The following ZHX3 variants were observed in gnomAD, a reference collection of about 807,000 sequenced individuals.
ZHX3 encodes zinc fingers and homeoboxes protein 3.
ZHX3 carries 20 observed loss-of-function variants against 64.5 expected under a neutral mutation model. The ratio of observed to expected loss-of-function variants is 0.31; its 90% CI spans 0.22 to 0.45. The LOEUF (loss-of-function observed/expected upper bound fraction) is 0.45. ZHX3 is among the 20% of genes least tolerant of loss of function. The pLI, the probability that ZHX3 is intolerant of heterozygous loss-of-function variation, is 1.00. For missense variants in ZHX3, 1,041 were observed against 1,195.8 expected (o/e 0.87, Z 1.91); for synonymous variants, 423 against 461.6 (o/e 0.92, Z 1.07).
intron 1 of ZHX3, among the ~76,000 whole-genome samples, chr20:41,278,317 C>G (rs2043493852): frequency 7.3e-6 from 1 of 137,534 alleles, no homozygotes; most frequent in Admixed American, 7.3e-5. Context: ...TAACTCCAGC[C>G]TGGGTGACAG....
chr20:41,313,364 C>T (rs968427055), intron 1 of ZHX3, among the ~76,000 whole-genome samples: 1 of 151,964 alleles, frequency 6.6e-6, no homozygotes, highest in Non-Finnish European at 1.5e-5. Flanking sequence ...CATCTGCATC[C>T]AGGGGGTTCT....
chr20:41,215,586 G>A (rs1051587409), intron 2 of ZHX3, among the ~76,000 whole-genome samples: 2 of 151,936 alleles, frequency 1.3e-5, no homozygotes, highest in African/African-American at 2.4e-5. Context: ...TCTTCCAAGC[G>A]TTATGATAGT....
intron 2 of ZHX3, among the ~76,000 whole-genome samples, chr20:41,225,768 G>A (rs1310772748): frequency 2.0e-5 from 3 of 152,296 alleles, no homozygotes; most frequent in Middle Eastern, 3.4e-3. Context: ...GATTACAGGC[G>A]TGAACCACCG....
chr20:41,235,965 G>T (rs149783673), intron 2 of ZHX3, among the ~76,000 whole-genome samples: 1,538 of 151,992 alleles, frequency 0.01, 22 homozygotes, highest in African/African-American at 0.035. Flanking sequence ...CAAGCATTCC[G>T]ATACACCAAT....
intron 2 of ZHX3, among the ~76,000 whole-genome samples, chr20:41,264,035 T>C (rs1305422259): frequency 6.6e-6 from 1 of 152,122 alleles, no homozygotes; most frequent in African/African-American, 2.4e-5. Context: ...TAAAACTAAA[T>C]AGATGAGTTT....
At chr20:41,221,015 A>AT (rs1416524378) in intron 2 of ZHX3, among the ~76,000 whole-genome samples, 1 of 151,906 alleles carries the variant, frequency 6.6e-6, no homozygotes, top group Non-Finnish European at 1.5e-5. Flanking sequence ...GAAAAACGTG[A>AT]TTTTTTGGAA....
intron 1 of ZHX3, among the ~76,000 whole-genome samples, chr20:41,316,193 G>A (rs183325998): frequency 3.9e-5 from 6 of 152,142 alleles, no homozygotes; most frequent in African/African-American, 1.2e-4. Flanking sequence ...TTACATAGTG[G>A]CTCTGTCCTC....
intron 1 of ZHX3, among the ~76,000 whole-genome samples, chr20:41,305,786 A>C (rs1015805950): frequency 2.0e-5 from 3 of 152,116 alleles, no homozygotes; most frequent in Non-Finnish European, 1.5e-5. Flanking sequence ...TCTGTCTCAA[A>C]AAAAATATAA....
chr20:41,198,483 GTTT>G (rs202195899), intron 3 of ZHX3, among the ~76,000 whole-genome samples: 1 of 144,726 alleles, frequency 6.9e-6, no homozygotes, highest in Admixed American at 6.9e-5. Flanking sequence ...TGGTTTAGAG[GTTT>G]TTTTTTTTTC....
At chr20:41,218,719 T>G (rs1408733425) in intron 2 of ZHX3, among the ~76,000 whole-genome samples, 1 of 152,172 alleles carries the variant, frequency 6.6e-6, no homozygotes, top group African/African-American at 2.4e-5. Context: ...TGGTTGCAAT[T>G]GTCAGATTTC....
intron 1 of ZHX3, among the ~76,000 whole-genome samples, chr20:41,306,483 A>G (rs1006413501): frequency 1.3e-5 from 2 of 152,240 alleles, no homozygotes; most frequent in African/African-American, 2.4e-5. Context: ...CAGTCATTCT[A>G]TAAAGCTCTC....
At chr20:41,286,657 A>G (rs2043951088) in intron 1 of ZHX3, among the ~76,000 whole-genome samples, 1 of 152,146 alleles carries the variant, frequency 6.6e-6, no homozygotes, top group Non-Finnish European at 1.5e-5. Context: ...TGCATGATCT[A>G]TCTTCCCCAC....
chr20:41,224,751 T>G lies in ZHX3; in HGVS notation c.-150-19685A>C, dbSNP rs183036999. 9.4e-3 allele frequency among the ~76,000 whole-genome samples: 1,425 copies of G among 152,370 alleles called. 10 individuals are homozygous for G. The highest frequency in any genetic ancestry group is 0.015 in the Non-Finnish European group (1,039 of 68,024). ...ATTCCAACAGAGGACTTCTGAGCTATCTTCCCCTTTGCCTCTTTGAAATCT... is the reference window on the plus strand; with the variant it reads ...ATTCCAACAGAGGACTTCTGAGCTAGCTTCCCCTTTGCCTCTTTGAAATCT... On this transcript the variant is annotated intron_variant, in intron 2 of 3. Transcript: ENST00000683867. The surrounding 1 kb of genome is among the most constrained non-coding windows in gnomAD (Gnocchi z 5.2).
chr20:41,191,412 C>T (rs2037008237), intron 3 of ZHX3, among the ~76,000 whole-genome samples: 2 of 152,074 alleles, frequency 1.3e-5, no homozygotes, highest in South Asian at 4.1e-4. Context: ...TCATTCATTT[C>T]CCAAATTGTT....
At chr20:41,312,850 G>A (rs2045181540) in intron 1 of ZHX3, among the ~76,000 whole-genome samples, 1 of 152,124 alleles carries the variant, frequency 6.6e-6, no homozygotes, top group Non-Finnish European at 1.5e-5. Flanking sequence ...CAAGTGCAGT[G>A]GAAGCCACCA....
rs1568793870 is a variant in ZHX3, at chr20:41,195,414, CTGAGA to C, written c.2860+6638_2860+6642del. On this transcript the variant is annotated intron_variant, in intron 3 of 3. Transcript: ENST00000683867. The surrounding 1 kb of genome is among the most constrained non-coding windows in gnomAD (Gnocchi z 4.2). The stretch of plus-strand genomic sequence containing the variant: ...TATAGATGCAAGCCACCATGCTCGA[CTGAGA>C]TTTTTTATTTTTTGAGAAGGAGTTT... Among the ~76,000 whole-genome samples, 3 of 152,096 alleles carry C rather than the reference CTGAGA, an allele frequency of 2.0e-5. No homozygotes were observed. The highest frequency in any genetic ancestry group is 2.1e-4 in the South Asian group (1 of 4,826).
At chr20:41,242,253 C>A (rs1283781528) in intron 2 of ZHX3, among the ~76,000 whole-genome samples, 1 of 152,150 alleles carries the variant, frequency 6.6e-6, no homozygotes, top group Non-Finnish European at 1.5e-5. Flanking sequence ...ACTTGATTTT[C>A]CAAATTGGGA....
intron 1 of ZHX3, among the ~76,000 whole-genome samples, chr20:41,301,941 C>A (rs1464564038): frequency 6.7e-6 from 1 of 149,704 alleles, no homozygotes; most frequent in Non-Finnish European, 1.5e-5. Flanking sequence ...GTAGTCCCAG[C>A]TACTTGGGAG....
intron 2 of ZHX3, among the ~76,000 whole-genome samples, chr20:41,258,129 A>G (rs927826879): frequency 1.3e-5 from 2 of 150,166 alleles, no homozygotes; most frequent in African/African-American, 4.9e-5. Flanking sequence ...CAAACTCCTG[A>G]CCTCAGGTGA....
Sources: allele counts gnomAD v4.1 joint callset (sites outside exome capture counted in the v4.1 genomes callset), GRCh38; gene constraint gnomAD v4.1.1; non-coding constraint Gnocchi (gnomAD v3.1); transcripts MANE v1.5; gene names NCBI Gene and HGNC (gene_info 2026-07-23, HGNC 2026-07-21).